The following ZNF385A variants were observed in gnomAD, a reference collection of about 807,000 sequenced individuals.
ZNF385A encodes the protein hematopoietic zinc finger protein.
A neutral mutation model predicts 32.1 loss-of-function variants in ZNF385A; 14 were observed. The observed-to-expected ratio is 0.44, with a 90% CI of 0.29 to 0.68. ZNF385A has a LOEUF of 0.68. ZNF385A is among the 30% of genes least tolerant of loss of function. ZNF385A has a pLI of 0.14. For missense variants in ZNF385A, 406 were observed against 478.4 expected, an observed-to-expected ratio of 0.85 and a Z score of 1.41; for synonymous variants, 197 against 202.7, an observed-to-expected ratio of 0.97 and a Z score of 0.24.
Position 54,375,895 on chromosome 12 carries a change from G to T in ZNF385A, c.147C>A (p.Thr49=). 2 of 1,614,148 alleles carry T rather than the reference G, an allele frequency of 1.2e-6. No individual in the cohort carries two copies. Among genetic ancestry groups the T allele is most frequent in the Admixed American group, 1.7e-5 (1 of 60,022 alleles). Reference sequence around the variant, plus strand: ...TATTACAGGAAATGACGGGCCGCTTGGTCTTGAGCAAGGGTCCCCCAAAAG... The same window carrying T: ...TATTACAGGAAATGACGGGCCGCTTTGTCTTGAGCAAGGGTCCCCCAAAAG... ...SHTFGGPLLK[T]KRPVISCNIC... The change falls in exon 2 of 7, where the codon ACC becomes ACA. Residue 49 remains threonine, a synonymous_variant. Transcript: ENST00000394313.
chr12:54,369,937 T>G lies in ZNF385A; in HGVS notation c.*319A>C. ...TTGTGAACCCCGTTTTGTGCTAGGTTTGGGGGGAAGGGCTGGATGGACATG... is the reference window on the plus strand; with the variant it reads ...TTGTGAACCCCGTTTTGTGCTAGGTGTGGGGGGAAGGGCTGGATGGACATG... On this transcript the variant is annotated 3_prime_UTR_variant, in exon 7 of 7. Coordinates refer to ENST00000394313, the MANE Select transcript of ZNF385A (RefSeq NM_015481.3). The G allele has an allele frequency of 2.8e-4, 67 of 239,384 alleles. No homozygotes were observed. Among genetic ancestry groups the G allele is most frequent in the East Asian group, 5.3e-4 (7 of 13,292 alleles). 14.8% of individuals were successfully genotyped at this position (239,384 alleles called of 1,614,324 possible).
upstream of ZNF385A, among the ~76,000 whole-genome samples, chr12:54,387,054 G>A (rs1955509653): frequency 6.6e-6 from 1 of 152,180 alleles, no homozygotes; most frequent in African/African-American, 2.4e-5. Context: ...TTCTTTCTCT[G>A]CTACCTTACT....
chr12:54,380,843 T>A (rs2137257100), intron 1 of ZNF385A, among the ~76,000 whole-genome samples: 1 of 152,322 alleles, frequency 6.6e-6, no homozygotes, highest in East Asian at 1.9e-4. Flanking sequence ...CCTTGTGAGC[T>A]GGTGTTAATA....
At chr12:54,379,103 G>C in intron 1 of ZNF385A, 1 of 982,454 alleles carries the variant, frequency 1.0e-6, no homozygotes, top group Non-Finnish European at 1.2e-6. Context: ...CATGGCCCGG[G>C]GTGGCGGACC....
chr12:54,386,304 AAAGGATAGAG>A (rs985093511), upstream of ZNF385A, among the ~76,000 whole-genome samples: 41 of 152,028 alleles, frequency 2.7e-4, no homozygotes, highest in African/African-American at 9.9e-4. Flanking sequence ...CTGAGAGAGA[AAAGGATAGAG>A]AACAATGGAG....
Position 54,371,654 on chromosome 12 carries a change from T to C in ZNF385A, c.423A>G (p.Pro141=). The C allele has an allele frequency of 6.2e-7, 1 of 1,610,804 alleles. No homozygotes were observed. Among genetic ancestry groups the C allele is most frequent in the South Asian group, 1.1e-5 (1 of 90,950 alleles). Residue 141 remains proline (P), a synonymous_variant, in exon 4 of 7, where the codon CCA becomes CCG. Coordinates refer to ENST00000394313, the MANE Select transcript of ZNF385A (RefSeq NM_015481.3). ...PGSPEKQPGS[P]SPPSIPETGQ... ...CAGTCTCCGGAATGCTGGGAGGGGA[T>C]GGGGAGCCAGGCTGTTTCTCTGGGG...
chr12:54,370,635 C>T lies in ZNF385A; in HGVS notation c.861G>A (p.Gly287=). Residue 287 remains glycine (G), a synonymous_variant, in exon 6 of 7, where the codon GGG becomes GGA. Coordinates refer to ENST00000394313, the MANE Select transcript of ZNF385A (RefSeq NM_015481.3). This position sits in a 1 kb window ranked among gnomAD's most constrained non-coding sequence, Gnocchi z 5.5. ...LSRHKKSRGA[G]ELAGTLTFSK... is the part of the protein sequence containing the mutation. ...AGCATCCAGGCCTCACCGCCAGCTCCCCGGCGCCCCTAGACTTCTTGTGAC... is the reference window on the plus strand; with the variant it reads ...AGCATCCAGGCCTCACCGCCAGCTCTCCGGCGCCCCTAGACTTCTTGTGAC... The T allele has an allele frequency of 6.2e-7, 1 of 1,601,558 alleles. No homozygotes were observed. The highest frequency in any genetic ancestry group is 8.5e-7 in the Non-Finnish European group (1 of 1,174,558).
chr12:54,384,367 G>T, intron 1 of ZNF385A, 61 bp downstream of exon 1: 1 of 1,503,676 alleles, frequency 6.7e-7, no homozygotes, highest in Admixed American at 2.4e-5. Context: ...GGCAGAGGTG[G>T]GTCTGAGAGA....
chr12:54,371,532 T>G lies in ZNF385A; in HGVS notation c.545A>C (p.Tyr182Ser). The G allele has an allele frequency of 1.2e-6, 2 of 1,613,458 alleles. No individual in the cohort carries two copies. Among genetic ancestry groups the G allele is most frequent in the Non-Finnish European group, 1.7e-6 (2 of 1,179,780 alleles). ...CACAGCCACCTTGCACAGAGCACAGTAGAGCAGCCGCTTGGCTTTCTCCTC... is the reference window on the plus strand; with the variant it reads ...CACAGCCACCTTGCACAGAGCACAGGAGAGCAGCCGCTTGGCTTTCTCCTC... The part of the protein sequence containing the change: ...EEEEKAKRLL[Y>S]CALCKVAVNS... Residue 182 changes from tyrosine to serine, a missense_variant, in exon 4 of 7, where the codon TAC (tyrosine) becomes TCC (serine). Coordinates refer to ENST00000394313, the MANE Select transcript of ZNF385A (RefSeq NM_015481.3).
intron 3 of ZNF385A, chr12:54,372,913 C>T: frequency 4.6e-6 from 1 of 216,508 alleles, no homozygotes; most frequent in Non-Finnish European, 9.8e-6. Context: ...GTGGCAGGTG[C>T]CTGTAATCCC....
intron 1 of ZNF385A, among the ~76,000 whole-genome samples, chr12:54,383,611 G>A (rs1019229091): frequency 1.3e-5 from 2 of 152,168 alleles, no homozygotes; most frequent in Non-Finnish European, 2.9e-5. Context: ...ATAGACAGTG[G>A]CGGCTGGGTG....
intron 1 of ZNF385A, among the ~76,000 whole-genome samples, chr12:54,380,825 T>A (rs567695702): frequency 8.5e-4 from 129 of 152,208 alleles, no homozygotes; most frequent in Non-Finnish European, 1.6e-3. Flanking sequence ...TGTAATATGA[T>A]CTCACAACCT....
At chr12:54,381,641 A>G (rs1328985069) in intron 1 of ZNF385A, among the ~76,000 whole-genome samples, 1 of 152,228 alleles carries the variant, frequency 6.6e-6, no homozygotes, top group Non-Finnish European at 1.5e-5. Flanking sequence ...TGACCTAGTC[A>G]CATCCAATCT....
rs530604914 is a variant in ZNF385A, at chr12:54,378,399, G to A, written c.88-2445C>T. Among the ~76,000 whole-genome samples, 4 of 152,208 alleles carry A rather than the reference G, an allele frequency of 2.6e-5. 1 individual carries two copies. The South Asian group carries it at 8.3e-4, about 32-fold the overall frequency. The stretch of plus-strand genomic sequence containing the variant: ...ACGGCCTCGAAAGGTCCATAAAACA[G>A]TCCCCTCCCACCTGCCCTCCAACAG... On this transcript the variant is annotated intron_variant, in intron 1 of 6. Transcript: ENST00000394313.
intron 2 of ZNF385A, 145 bp from the exon 3 acceptor site, chr12:54,374,280 A>G (rs1954722937): frequency 1.4e-6 from 1 of 729,208 alleles, no homozygotes. Flanking sequence ...GCCCCATACC[A>G]ATAAGTCCTG....
chr12:54,380,907 A>G (rs1955126898), intron 1 of ZNF385A, among the ~76,000 whole-genome samples: 1 of 152,106 alleles, frequency 6.6e-6, no homozygotes, highest in African/African-American at 2.4e-5. Flanking sequence ...TACTAAAAAT[A>G]CAAAAATTGG....
At chr12:54,376,088 C>T in intron 1 of ZNF385A, 134 bp from the exon 2 acceptor site, 2 of 667,120 alleles carry the variant, frequency 3.0e-6, no homozygotes. Flanking sequence ...GGATCTGAGC[C>T]TCAGTCTTCT....
At chr12:54,379,026 C>T in intron 1 of ZNF385A, 1 of 982,372 alleles carries the variant, frequency 1.0e-6, no homozygotes, top group Non-Finnish European at 1.2e-6. Context: ...GCTGCGGCAG[C>T]CGCGGGAGTC....
intron 1 of ZNF385A, among the ~76,000 whole-genome samples, chr12:54,377,455 C>T (rs1954906992): frequency 6.6e-6 from 1 of 152,138 alleles, no homozygotes; most frequent in African/African-American, 2.4e-5. Flanking sequence ...GTGTGTTAGG[C>T]AGGCTGTGAT....
Sources: allele counts gnomAD v4.1 joint callset (sites outside exome capture counted in the v4.1 genomes callset), GRCh38; gene constraint gnomAD v4.1.1; non-coding constraint Gnocchi (gnomAD v3.1); transcripts MANE v1.5; gene names NCBI Gene and HGNC (gene_info 2026-07-23, HGNC 2026-07-21).